The following CNTN5 variants were observed in gnomAD, a reference collection of about 807,000 sequenced individuals.
The protein encoded by CNTN5 is contactin-5.
CNTN5 carries 77 observed loss-of-function variants against 129.1 expected under a neutral mutation model. The ratio of observed to expected loss-of-function variants is 0.60; its 90% CI spans 0.50 to 0.72. CNTN5 has a LOEUF of 0.72. Among genes scored for constraint, CNTN5 ranks in the 30% least tolerant of loss-of-function variants. The pLI, the probability that CNTN5 is intolerant of heterozygous loss-of-function variation, is 0.00. For synonymous variants in CNTN5, 509 were observed against 465.6 expected (o/e 1.09, Z -1.20); for missense variants, 1,478 against 1,328.8 (o/e 1.11, Z -1.75).
intron 13 of CNTN5, among the ~76,000 whole-genome samples, chr11:100,111,714 G>T (rs996507881): frequency 2.0e-5 from 3 of 151,986 alleles, no homozygotes; most frequent in African/African-American, 7.2e-5. Context: ...TTGACTATAG[G>T]TGCAGTATTG....
intron 3 of CNTN5, among the ~76,000 whole-genome samples, chr11:99,796,252 T>C (rs765230283): frequency 3.5e-4 from 53 of 152,094 alleles, no homozygotes; most frequent in Non-Finnish European, 7.6e-4. Context: ...TGGGCACATT[T>C]GCACCAGCAA....
intron 3 of CNTN5, among the ~76,000 whole-genome samples, chr11:99,736,055 CCTCT>C (rs936244909): frequency 3.3e-5 from 5 of 150,214 alleles, no homozygotes; most frequent in Admixed American, 6.7e-5. Context: ...TTTCTCTGTC[CCTCT>C]CTCTCTTTCT....
intron 3 of CNTN5, among the ~76,000 whole-genome samples, chr11:99,559,282 C>T (rs1292037886): frequency 6.6e-6 from 1 of 152,042 alleles, no homozygotes; most frequent in Non-Finnish European, 1.5e-5. Context: ...AAAAGACTAA[C>T]TGAAGAATAC....
At chr11:100,092,830 G>A (rs958489727) in intron 13 of CNTN5, among the ~76,000 whole-genome samples, 2 of 151,920 alleles carry the variant, frequency 1.3e-5, no homozygotes, top group Admixed American at 6.6e-5. Context: ...GTTTTAAAGC[G>A]GTGATTTCCA....
rs372137545 is a variant in CNTN5, at chr11:100,129,191, A to C, written c.1580+54897A>C. ...TGGATGGACAAATGAAGGTTAGGTG[A>C]ATGAAATGAGAAAATACATTTATAT... On this transcript the variant is annotated intron_variant, in intron 13 of 24. Transcript: ENST00000524871. Among the ~76,000 whole-genome samples the C allele has an allele frequency of 1.1e-4, 16 of 152,310 alleles. 1 individual carries two copies. The East Asian group carries it at 1.4e-3, about 13-fold the overall frequency.
chr11:100,195,896 A>G (rs1229137710), intron 15 of CNTN5, among the ~76,000 whole-genome samples: 2 of 151,834 alleles, frequency 1.3e-5, no homozygotes, highest in Non-Finnish European at 2.9e-5. Flanking sequence ...TTATGTCTGG[A>G]AAATAATGCT....
intron 2 of CNTN5, among the ~76,000 whole-genome samples, chr11:99,470,028 G>A (rs1160618256): frequency 6.6e-6 from 1 of 152,130 alleles, no homozygotes; most frequent in Non-Finnish European, 1.5e-5. Flanking sequence ...AGAGCAGCCT[G>A]TCCAAGACAG....
chr11:99,481,804 G>C (rs11220127), intron 2 of CNTN5, among the ~76,000 whole-genome samples: 3,503 of 152,136 alleles, frequency 0.023, 63 homozygotes, highest in Middle Eastern at 0.061. Flanking sequence ...TCTCCCCTGT[G>C]CCAGAAGTAT....
intron 1 of CNTN5, among the ~76,000 whole-genome samples, chr11:99,190,020 T>C (rs1022418051): frequency 1.3e-5 from 2 of 151,692 alleles, no homozygotes; most frequent in African/African-American, 2.4e-5. Flanking sequence ...ATTTTTCTAG[T>C]AGTTTTATAG....
chr11:99,382,459 A>G (rs1205553571), intron 2 of CNTN5, among the ~76,000 whole-genome samples: 5 of 152,200 alleles, frequency 3.3e-5, no homozygotes, highest in Admixed American at 1.3e-4. Context: ...CTGCCACTCT[A>G]CCGCACAATT....
chr11:99,846,895 C>G (rs1472449640), intron 6 of CNTN5, among the ~76,000 whole-genome samples: 1 of 151,916 alleles, frequency 6.6e-6, no homozygotes, highest in Admixed American at 6.6e-5. Flanking sequence ...CCAAAGACAC[C>G]AAGATAGCAG....
chr11:99,052,635 T>C (rs1341877645), intron 1 of CNTN5, among the ~76,000 whole-genome samples: 1 of 151,926 alleles, frequency 6.6e-6, no homozygotes, highest in Non-Finnish European at 1.5e-5. Flanking sequence ...TTAATTTCAT[T>C]AAAGTGCTAA....
At chr11:100,120,856 CTT>C (rs1945995273) in intron 13 of CNTN5, among the ~76,000 whole-genome samples, 1 of 151,586 alleles carries the variant, frequency 6.6e-6, no homozygotes, top group Non-Finnish European at 1.5e-5. Context: ...TTATTTTAAA[CTT>C]ATTTTATTGT....
chr11:99,989,182 G>T (rs1208505642), intron 8 of CNTN5, among the ~76,000 whole-genome samples: 3 of 152,110 alleles, frequency 2.0e-5, no homozygotes, highest in African/African-American at 4.8e-5. Context: ...GGGTGCAAGA[G>T]TCCCATAGAA....
intron 3 of CNTN5, among the ~76,000 whole-genome samples, chr11:99,640,116 G>A (rs1222912135): frequency 6.6e-6 from 1 of 152,056 alleles, no homozygotes; most frequent in African/African-American, 2.4e-5. Context: ...CACTCAACAA[G>A]TCTCTAAGAA....
chr11:99,350,181 T>TACC (rs1003326031), intron 2 of CNTN5, among the ~76,000 whole-genome samples: 2 of 152,224 alleles, frequency 1.3e-5, no homozygotes, highest in Admixed American at 1.3e-4. Context: ...ACTGATGTAC[T>TACC]TTCCCTTCCC....
chr11:99,926,096 T>A (rs1417204954), intron 7 of CNTN5, among the ~76,000 whole-genome samples: 1 of 152,164 alleles, frequency 6.6e-6, no homozygotes, highest in African/African-American at 2.4e-5. Context: ...GATAATTAGC[T>A]CAATGGTTGG....
chr11:99,460,893 G>T (rs1565200681), intron 2 of CNTN5, among the ~76,000 whole-genome samples: 3 of 151,860 alleles, frequency 2.0e-5, no homozygotes, highest in African/African-American at 7.3e-5. Context: ...CTTCATTCAA[G>T]AAAAAATCTT....
chr11:99,678,935 T>G (rs1277818410), intron 3 of CNTN5, among the ~76,000 whole-genome samples: 1 of 150,256 alleles, frequency 6.7e-6, no homozygotes, highest in East Asian at 1.9e-4. Context: ...GACCACATTT[T>G]TTATTGTATC....
Sources: gnomAD v4.1 joint callset for allele counts (sites outside exome capture counted in the v4.1 genomes callset) on GRCh38, gnomAD v4.1.1 for gene constraint, MANE v1.5 for transcripts, NCBI Gene and HGNC (gene_info 2026-07-23, HGNC 2026-07-21) for gene names.